LBP: variants seen among roughly 807,000 people sequenced by gnomAD.
The protein encoded by LBP is lipopolysaccharide-binding protein.
In LBP, 53 loss-of-function variants were observed where a neutral mutation model predicts 56.6. The ratio of observed to expected loss-of-function variants is 0.94; its 90% CI spans 0.75 to 1.18. LBP has a LOEUF of 1.18. Ranked by LOEUF, LBP falls within the 50% of genes most tolerant of loss-of-function variation. LBP has a pLI of 0.00. For synonymous variants in LBP, 227 were observed against 247.5 expected, an observed-to-expected ratio of 0.92 and a Z score of 0.78; for missense variants, 601 against 598.3, an observed-to-expected ratio of 1.00 and a Z score of -0.05.
rs1386291391 is a variant in LBP at position 38,351,748 on chromosome 20, C to T, written c.368+809C>T. On this transcript the variant is annotated intron_variant, in intron 3 of 14. Transcript: ENST00000217407. Reference sequence around the variant, plus strand: ...GAAATCCCATTTCTGAGGCCATGCACGTTGGCTCACCCCTGTAATCCCAGC... The same window carrying T: ...GAAATCCCATTTCTGAGGCCATGCATGTTGGCTCACCCCTGTAATCCCAGC... Among the ~76,000 whole-genome samples, 6 of 152,076 alleles carry T rather than the reference C, an allele frequency of 3.9e-5. No individual in the cohort carries two copies. The East Asian group carries it at 7.7e-4, about 20-fold the overall frequency.
At chr20:38,365,718 ATATATATAT>A (rs1230267185) in intron 8 of LBP, among the ~76,000 whole-genome samples, 3 of 26,698 alleles carry the variant, frequency 1.1e-4, no homozygotes, top group African/African-American at 3.6e-4. Flanking sequence ...AAAAAAAAAA[ATATATATAT>A]ATATATATAT....
At chr20:38,367,902 G>A (rs1470425611) in intron 9 of LBP, among the ~76,000 whole-genome samples, 1 of 152,064 alleles carries the variant, frequency 6.6e-6, no homozygotes, top group Non-Finnish European at 1.5e-5. Context: ...TGAAATGGTG[G>A]AATCTAGGGC....
chr20:38,362,719 G>A (rs2076865472), intron 6 of LBP, among the ~76,000 whole-genome samples: 1 of 152,054 alleles, frequency 6.6e-6, no homozygotes, highest in African/African-American at 2.4e-5. Flanking sequence ...AGGCCAAGGA[G>A]GGAGTATCAC....
Position 38,354,418 on chromosome 20 carries a change from T to C in LBP, c.503T>C (p.Val168Ala). 6.2e-7 allele frequency: 1 copy of C among 1,612,630 alleles called. No homozygotes were observed. The highest frequency in any genetic ancestry group is 2.2e-5 in the East Asian group (1 of 44,832). Residue 168 changes from valine (V) to alanine (A), a missense_variant, in exon 4 of 15, where the codon GTG (valine) becomes GCG (alanine). By Grantham distance (64) the Val-to-Ala change is moderately conservative (BLOSUM62 0). Transcript: ENST00000217407. ...AGCAGTGACATCGCTGACGTGGAGG[T>C]GGACATGTCGGGAGACTTGGGGTAG... is the stretch of plus-strand genomic sequence containing the variant. ...SCSSDIADVE[V>A]DMSGDLGWLL...
intron 12 of LBP, among the ~76,000 whole-genome samples, chr20:38,372,261 C>A (rs76154472): frequency 0.028 from 4,288 of 152,202 alleles, 68 homozygotes; most frequent in South Asian, 0.066. Context: ...CCTCCACTGA[C>A]CACCTCCACC....
intron 11 of LBP, 75 bp from the exon 12 acceptor site, chr20:38,371,204 CT>C (rs2076899527): frequency 8.3e-7 from 1 of 1,207,368 alleles, no homozygotes; most frequent in African/African-American, 1.5e-5. Context: ...CCCATCCTTT[CT>C]CGCTTCTGGG....
intron 11 of LBP, 137 bp from the exon 12 acceptor site, chr20:38,371,143 A>G (rs2076899318): frequency 1.5e-5 from 10 of 662,314 alleles, no homozygotes; most frequent in Non-Finnish European, 5.4e-6. Flanking sequence ...TTCCTCAGTC[A>G]TCTTTTCCAC....
At chr20:38,364,507 G>A in intron 7 of LBP, 69 bp from the exon 8 acceptor site, 1 of 1,455,960 alleles carries the variant, frequency 6.9e-7, no homozygotes, top group Admixed American at 1.7e-5. Context: ...GGACTGTGTA[G>A]GGGAATACCT....
intron 3 of LBP, among the ~76,000 whole-genome samples, chr20:38,351,499 C>T (rs1379804920): frequency 6.6e-6 from 1 of 152,152 alleles, no homozygotes; most frequent in African/African-American, 2.4e-5. Context: ...GAACAGTTCT[C>T]TGACCTCAGA....
intron 14 of LBP, among the ~76,000 whole-genome samples, chr20:38,375,752 G>A (rs1341523521): frequency 6.6e-6 from 1 of 152,144 alleles, no homozygotes; most frequent in Admixed American, 6.5e-5. Flanking sequence ...GAGGTGAGAT[G>A]AACTGGGTTG....
At chr20:38,359,655 G>A (rs759591856) in intron 5 of LBP, among the ~76,000 whole-genome samples, 9 of 151,964 alleles carry the variant, frequency 5.9e-5, no homozygotes, top group Non-Finnish European at 8.8e-5. Flanking sequence ...TAAATAATTC[G>A]AGTAATTACA....
At chr20:38,359,055 A>G (rs1186998636) in intron 5 of LBP, among the ~76,000 whole-genome samples, 3 of 152,136 alleles carry the variant, frequency 2.0e-5, no homozygotes, top group Non-Finnish European at 4.4e-5. Context: ...TACAAATTCC[A>G]TCCCAGGTTT....
intron 3 of LBP, among the ~76,000 whole-genome samples, chr20:38,353,471 G>A (rs891911595): frequency 7.3e-6 from 1 of 137,020 alleles, no homozygotes; most frequent in African/African-American, 2.7e-5. Flanking sequence ...GGACATGTAG[G>A]CTGCTTCCTT....
rs2122625886 is a variant in LBP at position 38,371,268 on chromosome 20, G to A, written c.1218-12G>A. On this transcript the variant is annotated splice_polypyrimidine_tract_variant and intron_variant, in intron 11 of 14. Transcript: ENST00000217407. ...AAGCCCACACCTTTTAATCTTCTCT[G>A]ATTCATTACAGGGTAAAAGTGGAAC... is the stretch of plus-strand genomic sequence containing the variant. 1 of 1,609,964 alleles carries A rather than the reference G, an allele frequency of 6.2e-7. No homozygotes were observed. Among genetic ancestry groups the A allele is most frequent in the Middle Eastern group, 1.7e-4 (1 of 6,058 alleles).
In LBP at chr20:38,369,139, G is replaced by C. The variant is rs538451130; in HGVS notation, c.1126G>C (p.Glu376Gln). 6.2e-7 allele frequency: 1 copy of C among 1,614,062 alleles called. No individual in the cohort carries two copies. Among genetic ancestry groups the C allele is most frequent in the Admixed American group, 1.7e-5 (1 of 60,006 alleles). ...AFVLLPSSSK[E>Q]PVFRLSVATN... is the part of the protein sequence containing the mutation. Reference sequence around the variant, plus strand: ...TGTGCTCCTGCCCAGCTCCAGCAAGGAGCCTGTCTTCCGGCTCAGTGTGGT... The same window carrying C: ...TGTGCTCCTGCCCAGCTCCAGCAAGCAGCCTGTCTTCCGGCTCAGTGTGGT... The change falls in exon 10 of 15, where the codon GAG becomes CAG. Residue 376 changes from glutamate (E) to glutamine (Q), a missense_variant. Transcript: ENST00000217407.
At chr20:38,352,360 C>G (rs573850454) in intron 3 of LBP, among the ~76,000 whole-genome samples, 1 of 152,186 alleles carries the variant, frequency 6.6e-6, no homozygotes, top group Admixed American at 6.5e-5. Flanking sequence ...ACCAGCCATG[C>G]CTTTACTGAG....
In LBP at chr20:38,369,056, T is replaced by C; in HGVS notation, c.1043T>C (p.Leu348Pro). Residue 348 changes from leucine to proline, a missense_variant, in exon 10 of 15, where the codon CTC (leucine) becomes CCC (proline). By Grantham distance (98) the Leu-to-Pro change is moderately conservative (BLOSUM62 -3). Transcript: ENST00000217407. The stretch of plus-strand genomic sequence containing the variant: ...CAGGGATCAGTGCCCTCTGCTCCGC[T>C]CCTGAACTTCAGCCCTGGGAATCTG... Reference protein sequence around the residue: ...ELQGSVPSAPLLNFSPGNLSV... With the variant: ...ELQGSVPSAPPLNFSPGNLSV... 3 of 1,614,164 alleles carry C rather than the reference T, an allele frequency of 1.9e-6. No individual in the cohort carries two copies. Among genetic ancestry groups the C allele is most frequent in the East Asian group, 2.2e-5 (1 of 44,876 alleles).
At chr20:38,374,090 A>G (rs2122629605) in intron 14 of LBP, 77 bp downstream of exon 14, 3 of 1,435,810 alleles carry the variant, frequency 2.1e-6, no homozygotes, top group Middle Eastern at 2.2e-4. Context: ...GCCATGATTC[A>G]TGGGTGACAC....
At chr20:38,349,154 T>C (rs2076811686) in intron 1 of LBP, among the ~76,000 whole-genome samples, 1 of 152,178 alleles carries the variant, frequency 6.6e-6, no homozygotes, top group South Asian at 2.1e-4. Flanking sequence ...TTGGGGACTT[T>C]GTCAAAGTCA....
Sources: allele counts gnomAD v4.1 joint callset (sites outside exome capture counted in the v4.1 genomes callset), GRCh38; gene constraint gnomAD v4.1.1; transcripts MANE v1.5; gene names NCBI Gene and HGNC (gene_info 2026-07-23, HGNC 2026-07-21).